ITGAV: variants seen among roughly 807,000 people sequenced by gnomAD.
ITGAV encodes the protein integrin subunit alpha V, also known as integrin alpha-V.
Under a neutral mutation model 143.8 loss-of-function variants are expected in ITGAV, and 76 were observed. That is an observed-to-expected ratio of 0.53 (90% CI 0.44 to 0.64). The LOEUF is 0.64. Ranked by LOEUF, ITGAV falls within the 30% of genes least tolerant of loss-of-function variation. The pLI, the probability that ITGAV is intolerant of heterozygous loss-of-function variation, is 0.00. For synonymous variants in ITGAV, 453 were observed against 446.7 expected, an observed-to-expected ratio of 1.01 and a Z score of -0.18; for missense variants, 1,193 against 1,274.7, an observed-to-expected ratio of 0.94 and a Z score of 0.98.
intron 1 of ITGAV, among the ~76,000 whole-genome samples, chr2:186,598,880 G>C (rs1018128942): frequency 6.6e-6 from 1 of 152,160 alleles, no homozygotes; most frequent in Non-Finnish European, 1.5e-5. Context: ...GCGTGGTTTG[G>C]TTGGGAGTTA....
intron 13 of ITGAV, among the ~76,000 whole-genome samples, chr2:186,649,268 TA>T (rs1243983588): frequency 9.9e-5 from 15 of 151,936 alleles, no homozygotes; most frequent in African/African-American, 3.6e-4. Context: ...AATCTGTTTT[TA>T]TTTTTTTTTT....
At chr2:186,623,709 AC>A (rs1293391138) in intron 3 of ITGAV, among the ~76,000 whole-genome samples, 1 of 152,196 alleles carries the variant, frequency 6.6e-6, no homozygotes, top group African/African-American at 2.4e-5. Flanking sequence ...AAGAAGAAAA[AC>A]AAATAAAAAA....
chr2:186,644,063 C>G (rs1688181308), intron 12 of ITGAV, among the ~76,000 whole-genome samples: 1 of 152,046 alleles, frequency 6.6e-6, no homozygotes, highest in Non-Finnish European at 1.5e-5. Flanking sequence ...CATACCTCAC[C>G]CTCCCAAGTA....
At chr2:186,648,934 GTATATATATACATTTGTGTGTA>G (rs1462167686) in intron 13 of ITGAV, among the ~76,000 whole-genome samples, 1 of 144,346 alleles carries the variant, frequency 6.9e-6, no homozygotes, top group Non-Finnish European at 1.5e-5. Flanking sequence ...ATATACATTT[GTATATATATACATTTGTGTGTA>G]TATATATATA....
In ITGAV at chr2:186,659,119, A is replaced by G; in HGVS notation, c.1801A>G (p.Thr601Ala). 3 of 1,612,970 alleles carry G rather than the reference A, an allele frequency of 1.9e-6. No individual in the cohort carries two copies. The highest frequency in any genetic ancestry group is 2.2e-5 in the East Asian group (1 of 44,838). ...YRLDYRTAAD[T>A]TGLQPILNQF... ...GTTGGATTATAGAACAGCTGCTGAT[A>G]CAACAGGCTTGCAACCCATTCTTAA... Residue 601 changes from threonine to alanine, a missense_variant, in exon 18 of 30, where the codon ACA becomes GCA. By Grantham distance (58) the Thr-to-Ala change is moderately conservative. Coordinates refer to ENST00000261023, the MANE Select transcript of ITGAV (RefSeq NM_002210.5).
intron 21 of ITGAV, among the ~76,000 whole-genome samples, 190 bp downstream of exon 21, chr2:186,665,408 T>C (rs1489277373): frequency 2.6e-5 from 4 of 152,210 alleles, no homozygotes; most frequent in Non-Finnish European, 5.9e-5. Context: ...TTGGTTGTGC[T>C]CCTACACGGT....
chr2:186,600,298 T>A, intron 1 of ITGAV: 1 of 1,528,530 alleles, frequency 6.5e-7, no homozygotes, highest in Non-Finnish European at 8.9e-7. Flanking sequence ...ACTTCCCTCA[T>A]CCCCACCCCC....
Position 186,675,862 on chromosome 2 carries a change from T to G in ITGAV, c.2863T>G (p.Ser955Ala), listed in dbSNP as rs762316250. 5.0e-6 allele frequency: 8 copies of G among 1,609,188 alleles called. No individual in the cohort carries two copies. The highest frequency in any genetic ancestry group is 6.8e-6 in the Non-Finnish European group (8 of 1,176,882). ...NHSYSLKSSA[S>A]FNVIEFPYKN... is the part of the protein sequence containing the mutation. Reference sequence around the variant, plus strand: ...TTCCTATTCTCTGAAGTCGTCTGCTTCATTTAATGTCATAGAGTTTCCTTA... The same window carrying G: ...TTCCTATTCTCTGAAGTCGTCTGCTGCATTTAATGTCATAGAGTTTCCTTA... The change falls in exon 28 of 30, where the codon TCA becomes GCA. Residue 955 changes from serine to alanine, a missense_variant. Physicochemically the swap from Ser to Ala is moderately conservative, Grantham distance 99. Coordinates refer to ENST00000261023, the MANE Select transcript of ITGAV (RefSeq NM_002210.5).
intron 24 of ITGAV, among the ~76,000 whole-genome samples, chr2:186,668,185 CATATATATATATATATATATAT>C (rs1225346630): frequency 5.2e-5 from 1 of 19,076 alleles, no homozygotes; most frequent in Non-Finnish European, 8.7e-5. Flanking sequence ...TACATACATA[CATATATATATATATATATATAT>C]ATATATATAT....
chr2:186,629,165 A>G (rs1041404463), intron 4 of ITGAV, among the ~76,000 whole-genome samples: 2 of 152,108 alleles, frequency 1.3e-5, no homozygotes, highest in Admixed American at 6.6e-5. Flanking sequence ...TGGGAGAAGT[A>G]TTAACCATCT....
chr2:186,630,103 T>G (rs1687775960), intron 4 of ITGAV, among the ~76,000 whole-genome samples: 1 of 152,062 alleles, frequency 6.6e-6, no homozygotes, highest in South Asian at 2.1e-4. Context: ...GCTTTATATT[T>G]TACTTTTTGA....
chr2:186,625,663 G>A lies in ITGAV; in HGVS notation c.523+76G>A, dbSNP rs529434913. 3 of 546,294 alleles carry A rather than the reference G, an allele frequency of 5.5e-6. No homozygotes were observed. In the South Asian group the frequency reaches 6.9e-5, roughly 12 times the overall value. The allele number at this position is 546,294 out of a possible 1,614,324, so 33.8% of individuals were successfully genotyped here. A position where few individuals can be genotyped will look rare whatever the true frequency, so the allele number is the denominator to read the frequency against. On this transcript the variant is annotated intron_variant, in intron 4 of 29. Transcript: ENST00000261023. The stretch of plus-strand genomic sequence containing the variant: ...GTTTGTTAAAAATATGTGTGTGTGG[G>A]TGTGTGTGTGTGTGTGAGAGAGAGA...
chr2:186,672,428 A>G (rs1689092772), intron 26 of ITGAV, among the ~76,000 whole-genome samples: 1 of 152,240 alleles, frequency 6.6e-6, no homozygotes, highest in African/African-American at 2.4e-5. Flanking sequence ...TTTATTGAGA[A>G]TAAACATAAG....
chr2:186,602,877 A>T (rs1309076639), intron 2 of ITGAV, among the ~76,000 whole-genome samples: 1 of 2,380 alleles, frequency 4.2e-4, no homozygotes, highest in Non-Finnish European at 1.7e-3. Flanking sequence ...ACTCCATCTT[A>T]AAAAAAAAAA....
chr2:186,667,312 C>G, intron 23 of ITGAV, 82 bp downstream of exon 23: 2 of 992,200 alleles, frequency 2.0e-6, no homozygotes, highest in East Asian at 2.4e-5. Context: ...CTTTTCTGGA[C>G]AATAGACCCT....
At position 186,625,453 on chromosome 2, in the gene ITGAV, G is replaced by A; in HGVS notation, c.409-20G>A. ...ATTTTTAGAAAATCTTCGTGTCGTGGACTAAACCTTTGATTTTAGGCCTGT... is the reference window on the plus strand; with the variant it reads ...ATTTTTAGAAAATCTTCGTGTCGTGAACTAAACCTTTGATTTTAGGCCTGT... On this transcript the variant is annotated intron_variant, in intron 3 of 29. Transcript: ENST00000261023. 1 of 1,534,782 alleles carries A rather than the reference G, an allele frequency of 6.5e-7. No homozygotes were observed. Among genetic ancestry groups the A allele is most frequent in the Non-Finnish European group, 9.0e-7 (1 of 1,108,882 alleles).
At position 186,651,683 on chromosome 2, in the gene ITGAV, C is replaced by T. The variant is rs188255128; in HGVS notation, c.1398-299C>T. 1.7e-3 allele frequency among the ~76,000 whole-genome samples: 252 copies of T among 152,204 alleles called. 2 individuals carry two copies. The highest frequency in any genetic ancestry group is 5.0e-3 in the African/African-American group (208 of 41,530). On this transcript the variant is annotated intron_variant, in intron 14 of 29. Coordinates refer to ENST00000261023, the MANE Select transcript of ITGAV (RefSeq NM_002210.5). ...AGCGAATTCGGTAGATATCTCACAACTTATTTAGCCATTCTGCTTTAGTGA... is the reference window on the plus strand; with the variant it reads ...AGCGAATTCGGTAGATATCTCACAATTTATTTAGCCATTCTGCTTTAGTGA...
intron 24 of ITGAV, among the ~76,000 whole-genome samples, chr2:186,668,185 C>CATATATGTGTAT (rs1553505647): frequency 5.2e-4 from 10 of 19,076 alleles, no homozygotes; most frequent in Non-Finnish European, 5.2e-4. Flanking sequence ...TACATACATA[C>CATATATGTGTAT]ATATATATAT....
At chr2:186,615,126 T>C (rs1687316389) in intron 2 of ITGAV, among the ~76,000 whole-genome samples, 1 of 152,134 alleles carries the variant, frequency 6.6e-6, no homozygotes, top group Non-Finnish European at 1.5e-5. Context: ...ATTCCTATTG[T>C]AGCATGTATC....
Sources: allele counts gnomAD v4.1 joint callset (sites outside exome capture counted in the v4.1 genomes callset), GRCh38; gene constraint gnomAD v4.1.1; transcripts MANE v1.5; gene names NCBI Gene and HGNC (gene_info 2026-07-23, HGNC 2026-07-21).